CNTN3: variants seen among roughly 807,000 people sequenced by gnomAD.
The protein encoded by CNTN3 is contactin 3.
CNTN3 carries 60 observed loss-of-function variants against 119.1 expected under a neutral mutation model. The ratio of observed to expected loss-of-function variants is 0.50; its 90% CI spans 0.41 to 0.62. CNTN3 has a LOEUF of 0.62. Ranked by LOEUF, CNTN3 falls within the 20% of genes least tolerant of loss-of-function variation. The probability of loss-of-function intolerance (pLI) is 0.00; values close to 1 mark genes in which losing one functional copy is unlikely to be tolerated. For synonymous variants in CNTN3, 450 were observed against 438.7 expected (o/e 1.03, Z -0.32); for missense variants, 1,101 against 1,242.4 (o/e 0.89, Z 1.71).
intron 1 of CNTN3, among the ~76,000 whole-genome samples, chr3:74,606,141 C>A (rs183151718): frequency 6.6e-6 from 1 of 151,816 alleles, no homozygotes; most frequent in East Asian, 1.9e-4. Flanking sequence ...TTCAAAAACA[C>A]AACCAAAAGC....
At chr3:74,266,127 A>T (rs1316146261) in intron 22 of CNTN3, among the ~76,000 whole-genome samples, 1 of 152,126 alleles carries the variant, frequency 6.6e-6, no homozygotes, top group Non-Finnish European at 1.5e-5. Context: ...AATTTGTAGG[A>T]GGCAAATAAC....
Position 74,302,820 on chromosome 3 carries a change from C to G in CNTN3, c.1669-13G>C. Reference sequence around the variant, plus strand: ...CACCAGATGAACTCTGTTGGGAAAACAGGTAATGAATACACTGTTATTTTT... The same window carrying G: ...CACCAGATGAACTCTGTTGGGAAAAGAGGTAATGAATACACTGTTATTTTT... On this transcript the variant is annotated splice_polypyrimidine_tract_variant and intron_variant, in intron 13 of 22. Transcript: ENST00000263665. The G allele has an allele frequency of 6.5e-7, 1 of 1,529,256 alleles. No individual in the cohort carries two copies. The highest frequency in any genetic ancestry group is 9.1e-7 in the Non-Finnish European group (1 of 1,104,500). 94.7% of individuals were successfully genotyped at this position (1,529,256 alleles called of 1,614,324 possible).
At chr3:74,381,172 T>C (rs1704614374) in intron 5 of CNTN3, among the ~76,000 whole-genome samples, 1 of 151,570 alleles carries the variant, frequency 6.6e-6, no homozygotes. Context: ...TCATCAGAGT[T>C]AAACACCATT....
chr3:74,451,649 T>A (rs1357074692), intron 4 of CNTN3, among the ~76,000 whole-genome samples: 10 of 152,274 alleles, frequency 6.6e-5, no homozygotes, highest in Non-Finnish European at 1.2e-4. Flanking sequence ...TGGTTTTATG[T>A]CTAACGTTTA....
intron 5 of CNTN3, among the ~76,000 whole-genome samples, chr3:74,397,913 C>T (rs1325962367): frequency 6.6e-6 from 1 of 152,102 alleles, no homozygotes; most frequent in Non-Finnish European, 1.5e-5. Context: ...GTGGAAATAA[C>T]AAGTAAAACA....
chr3:74,342,927 C>T (rs947196661), intron 11 of CNTN3, among the ~76,000 whole-genome samples: 11 of 152,026 alleles, frequency 7.2e-5, no homozygotes, highest in South Asian at 2.1e-4. Context: ...CTCAGACGCA[C>T]GAAGTAGTAA....
chr3:74,267,695 A>G (rs569793717), intron 20 of CNTN3, among the ~76,000 whole-genome samples: 1 of 152,264 alleles, frequency 6.6e-6, no homozygotes, highest in African/African-American at 2.4e-5. Context: ...TCATTTTATC[A>G]TGCTCATCAT....
At chr3:74,433,188 G>A (rs1331582682) in intron 4 of CNTN3, among the ~76,000 whole-genome samples, 3 of 152,042 alleles carry the variant, frequency 2.0e-5, no homozygotes, top group Non-Finnish European at 2.9e-5. Context: ...GATGGGAGTC[G>A]GGGGTATACA....
Position 74,424,853 on chromosome 3 carries a change from T to C in CNTN3, c.446A>G (p.His149Arg), listed in dbSNP as rs1701670872. 1 of 1,613,244 alleles carries C rather than the reference T, an allele frequency of 6.2e-7. No individual in the cohort carries two copies. The highest frequency in any genetic ancestry group is 1.1e-5 in the South Asian group (1 of 91,018). ...AACAGAGCATGACTTACCTCCAGAG[T>C]GTGGTGGGGGGCCGCAGAGCAGCAC... ...GVVLLCGPPP[H>R]SGELSYAWIF... The change falls in exon 5 of 23, where the codon CAC becomes CGC. Residue 149 changes from histidine to arginine, a missense_variant. His to Arg is a conservative substitution (Grantham distance 29). Transcript: ENST00000263665.
chr3:74,344,632 T>C (rs1050358459), intron 11 of CNTN3, among the ~76,000 whole-genome samples: 1 of 151,770 alleles, frequency 6.6e-6, no homozygotes, highest in Non-Finnish European at 1.5e-5. Flanking sequence ...TAATTTCTTT[T>C]GTATTTTTAG....
At chr3:74,535,029 A>G (rs1703745466) in intron 1 of CNTN3, among the ~76,000 whole-genome samples, 1 of 152,076 alleles carries the variant, frequency 6.6e-6, no homozygotes, top group Non-Finnish European at 1.5e-5. Context: ...AATATAATTG[A>G]CACCTTGTCT....
At chr3:74,315,601 C>A (rs1336707246) in intron 13 of CNTN3, among the ~76,000 whole-genome samples, 3 of 151,914 alleles carry the variant, frequency 2.0e-5, no homozygotes, top group Admixed American at 2.0e-4. Flanking sequence ...CCTCTCAGAC[C>A]GTAATAGAAT....
intron 1 of CNTN3, among the ~76,000 whole-genome samples, chr3:74,540,525 C>T (rs1382996952): frequency 1.3e-5 from 2 of 152,076 alleles, no homozygotes; most frequent in Non-Finnish European, 2.9e-5. Flanking sequence ...ACTTACTATA[C>T]GTCAGCATCT....
At chr3:74,288,159 C>CTT (rs3084509) in intron 19 of CNTN3, among the ~76,000 whole-genome samples, 17,248 of 89,772 alleles carry the variant, frequency 0.19, 1,343 homozygotes, top group East Asian at 0.3. Context: ...CTTTTCTTTT[C>CTT]TTTTTTTTTT....
chr3:74,490,207 C>T (rs537734253), intron 3 of CNTN3, among the ~76,000 whole-genome samples: 1 of 152,294 alleles, frequency 6.6e-6, no homozygotes, highest in East Asian at 1.9e-4. Flanking sequence ...AATTTTTAAG[C>T]TGTAAGAGAT....
At chr3:74,290,770 C>T (rs1203864589) in intron 19 of CNTN3, among the ~76,000 whole-genome samples, 4 of 152,158 alleles carry the variant, frequency 2.6e-5, no homozygotes, top group Non-Finnish European at 5.9e-5. Context: ...CGGCTCACTG[C>T]AAGCTCTGCC....
intron 1 of CNTN3, among the ~76,000 whole-genome samples, chr3:74,581,667 G>C (rs1421695160): frequency 6.6e-6 from 1 of 152,102 alleles, no homozygotes; most frequent in East Asian, 1.9e-4. Context: ...AGAGCCAAAA[G>C]AAATTTGAAA....
intron 2 of CNTN3, among the ~76,000 whole-genome samples, chr3:74,507,253 T>C (rs993649174): frequency 6.6e-6 from 1 of 151,978 alleles, no homozygotes; most frequent in Non-Finnish European, 1.5e-5. Context: ...ACTCCATCTC[T>C]ATAAATAAAT....
chr3:74,387,648 C>G (rs891833625), intron 5 of CNTN3, among the ~76,000 whole-genome samples: 2 of 152,150 alleles, frequency 1.3e-5, no homozygotes, highest in African/African-American at 4.8e-5. Context: ...CTTGCTATTT[C>G]CAAATGGGAA....
Sources: gnomAD v4.1 joint callset for allele counts (sites outside exome capture counted in the v4.1 genomes callset) on GRCh38, gnomAD v4.1.1 for gene constraint, MANE v1.5 for transcripts, NCBI Gene and HGNC (gene_info 2026-07-23, HGNC 2026-07-21) for gene names.